The following PLCH1 variants were observed in gnomAD, a reference collection of about 807,000 sequenced individuals.
The protein encoded by PLCH1 is phospholipase C eta 1.
A neutral mutation model predicts 126.7 loss-of-function variants in PLCH1; 60 were observed. The ratio of observed to expected loss-of-function variants is 0.47; its 90% confidence interval spans 0.38 to 0.59. PLCH1 has a LOEUF of 0.59. Among genes scored for constraint, PLCH1 ranks in the 20% least tolerant of loss-of-function variants. PLCH1 has a pLI of 0.00. For missense variants in PLCH1, 1,723 were observed against 2,040.0 expected, an observed-to-expected ratio of 0.84 and a Z score of 2.99; for synonymous variants, 719 against 734.9, an observed-to-expected ratio of 0.98 and a Z score of 0.35.
intron 21 of PLCH1, chr3:155,486,030 C>G (rs1489303168): frequency 1.4e-6 from 1 of 690,962 alleles, no homozygotes; most frequent in Non-Finnish European, 2.5e-6. Flanking sequence ...CTTAAAGCAA[C>G]AGATGCATGT....
At chr3:155,558,123 T>C (rs998163100) in intron 8 of PLCH1, among the ~76,000 whole-genome samples, 1 of 152,196 alleles carries the variant, frequency 6.6e-6, no homozygotes, top group South Asian at 2.1e-4. Context: ...CTAATGGAGA[T>C]GGAAAACATA....
intron 8 of PLCH1, among the ~76,000 whole-genome samples, chr3:155,560,555 A>T (rs891052513): frequency 3.9e-5 from 6 of 152,212 alleles, no homozygotes; most frequent in African/African-American, 1.4e-4. Flanking sequence ...ATGTTTCTGT[A>T]TGCAGGTAGT....
rs1728795651 is a variant in PLCH1, at chr3:155,568,461, G to C, written c.772-137C>G. 5 of 447,572 alleles carry C rather than the reference G, an allele frequency of 1.1e-5. No homozygotes were observed. The Admixed American group carries it at 1.3e-4, about 12-fold the overall frequency. 27.7% of individuals were successfully genotyped at this position (447,572 alleles called of 1,614,324 possible). On this transcript the variant is annotated intron_variant, in intron 6 of 22. Transcript: ENST00000460012. Reference sequence around the variant, plus strand: ...ATGAGCATTGTTTGGGGTTATTAGTGTCACAGCTATTTTATCTTTGGAGAA... The same window carrying C: ...ATGAGCATTGTTTGGGGTTATTAGTCTCACAGCTATTTTATCTTTGGAGAA...
At chr3:155,578,483 C>T (rs1322145344) in intron 6 of PLCH1, among the ~76,000 whole-genome samples, 1 of 152,172 alleles carries the variant, frequency 6.6e-6, no homozygotes, top group Non-Finnish European at 1.5e-5. Flanking sequence ...TGGTTGCTGG[C>T]TACCAGCCCC....
At chr3:155,564,733 C>T (rs1445137203) in intron 8 of PLCH1, among the ~76,000 whole-genome samples, 182 bp downstream of exon 8, 2 of 152,042 alleles carry the variant, frequency 1.3e-5, no homozygotes, top group African/African-American at 4.8e-5. Flanking sequence ...CTCTTTCTCC[C>T]AATTGAACAA....
chr3:155,526,180 C>G (rs1312407987), intron 10 of PLCH1, among the ~76,000 whole-genome samples: 1 of 152,122 alleles, frequency 6.6e-6, no homozygotes, highest in Non-Finnish European at 1.5e-5. Flanking sequence ...AATAATAGTA[C>G]CAATGTCTCC....
At chr3:155,589,043 C>A (rs1465171823) in intron 4 of PLCH1, among the ~76,000 whole-genome samples, 1 of 152,106 alleles carries the variant, frequency 6.6e-6, no homozygotes, top group African/African-American at 2.4e-5. Flanking sequence ...TTTATAGCCA[C>A]ACCATAATAA....
chr3:155,727,545 G>A (rs997196217), intron 1 of PLCH1, among the ~76,000 whole-genome samples: 10 of 151,896 alleles, frequency 6.6e-5, no homozygotes, highest in Non-Finnish European at 1.2e-4. Flanking sequence ...GTGCCACCAC[G>A]CCCAGCTAAT....
At chr3:155,494,882 C>T (rs1259601101) in intron 15 of PLCH1, among the ~76,000 whole-genome samples, 1 of 152,042 alleles carries the variant, frequency 6.6e-6, no homozygotes, top group African/African-American at 2.4e-5. Context: ...AATATATAGA[C>T]AACCATGGAT....
At chr3:155,533,282 C>T (rs993319153) in intron 10 of PLCH1, among the ~76,000 whole-genome samples, 3 of 152,224 alleles carry the variant, frequency 2.0e-5, no homozygotes, top group Admixed American at 1.3e-4. Context: ...CATGGTGGCT[C>T]ATGCCTGTAA....
chr3:155,523,937 G>C lies in PLCH1; in HGVS notation c.1430C>G (p.Ala477Gly). The C allele has an allele frequency of 6.2e-7, 1 of 1,608,838 alleles. No individual in the cohort carries two copies. Among genetic ancestry groups the C allele is most frequent in the Non-Finnish European group, 8.5e-7 (1 of 1,176,958 alleles). ...EEGEVSDEDS[A>G]DEIEDECKFK... is the part of the protein sequence containing the mutation. ...TTTGCACTCGTCTTCAATTTCATCT[G>C]CACTGTCCTCATCAGAAACTTCCCC... The change falls in exon 11 of 23, where the codon GCA (alanine) becomes GGA (glycine). Residue 477 changes from alanine to glycine, a missense_variant. By Grantham distance (60) the Ala-to-Gly change is moderately conservative. This residue lies in a region of PLCH1 where 776 missense variants were observed against 1,062.9 expected (regional missense o/e 0.73). Transcript: ENST00000460012.
rs200515417 is a variant in PLCH1 at position 155,684,586 on chromosome 3, TA to T, written c.79+19559del. 8.8e-4 allele frequency among the ~76,000 whole-genome samples: 133 copies of T among 151,054 alleles called. 1 individual carries two copies. Among genetic ancestry groups the T allele is most frequent in the African/African-American group, 2.6e-3 (109 of 41,190 alleles). On this transcript the variant is annotated intron_variant, in intron 2 of 22. Transcript: ENST00000460012. ...GTAATGTCTGAGGAAGACATTTTATTAAAAAAAAAGATGACCTTTAGAGAAA... is the reference window on the plus strand; with the variant it reads ...GTAATGTCTGAGGAAGACATTTTATTAAAAAAAAGATGACCTTTAGAGAAA...
intron 21 of PLCH1, among the ~76,000 whole-genome samples, chr3:155,458,424 AGG>A (rs1469554774): frequency 3.7e-5 from 3 of 80,210 alleles, no homozygotes; most frequent in African/African-American, 1.7e-4. Flanking sequence ...GAAGGAAGGA[AGG>A]AAGGAAGGAA....
At chr3:155,515,277 A>G (rs1384354946) in intron 11 of PLCH1, among the ~76,000 whole-genome samples, 2 of 152,192 alleles carry the variant, frequency 1.3e-5, no homozygotes, top group African/African-American at 4.8e-5. Flanking sequence ...CCTTCCCCCT[A>G]TGCTTATGCT....
intron 1 of PLCH1, among the ~76,000 whole-genome samples, chr3:155,740,205 G>GTCC (rs952391355): frequency 4.6e-5 from 7 of 152,146 alleles, no homozygotes; most frequent in African/African-American, 1.7e-4. Flanking sequence ...GAGGTCAGGA[G>GTCC]TTCGAGACCA....
intron 2 of PLCH1, among the ~76,000 whole-genome samples, chr3:155,610,000 G>A (rs906903303): frequency 6.6e-6 from 1 of 152,112 alleles, no homozygotes; most frequent in Admixed American, 6.5e-5. Context: ...AACTTCCCTG[G>A]CCTCACTAGA....
chr3:155,685,756 G>T (rs1744886781), intron 2 of PLCH1, among the ~76,000 whole-genome samples: 2 of 152,132 alleles, frequency 1.3e-5, no homozygotes, highest in Admixed American at 6.6e-5. Context: ...TACATAATCT[G>T]CTGGCCCTGT....
intron 11 of PLCH1, among the ~76,000 whole-genome samples, chr3:155,521,788 A>G (rs945182546): frequency 2.0e-5 from 3 of 152,158 alleles, no homozygotes; most frequent in Non-Finnish European, 4.4e-5. Context: ...ACAATTTGAA[A>G]TATTTCTCCA....
chr3:155,712,466 A>G (rs1250061560), intron 1 of PLCH1, among the ~76,000 whole-genome samples: 3 of 152,200 alleles, frequency 2.0e-5, no homozygotes, highest in Admixed American at 2.0e-4. Context: ...ATGAAACACT[A>G]CAGATTTGTT....
Sources: gnomAD v4.1 joint callset for allele counts (sites outside exome capture counted in the v4.1 genomes callset) on GRCh38, gnomAD v4.1.1 for gene constraint, gnomAD v4.1.1 regional missense constraint, MANE v1.5 for transcripts, NCBI Gene and HGNC (gene_info 2026-07-23, HGNC 2026-07-21) for gene names.